Variants in DCLK1 observed in about 807,000 individuals in gnomAD.
The protein encoded by DCLK1 is doublecortin like kinase 1.
DCLK1 carries 16 observed loss-of-function variants against 86.2 expected under a neutral mutation model. The ratio of observed to expected loss-of-function variants is 0.19; its 90% CI spans 0.13 to 0.28. The LOEUF (loss-of-function observed/expected upper bound fraction) is 0.28, where lower values mean the gene tolerates loss of function less well. Among genes scored for constraint, DCLK1 ranks in the 10% least tolerant of loss-of-function variants. The pLI is 1.00. For synonymous variants in DCLK1, 369 were observed against 370.5 expected, an observed-to-expected ratio of 1.00 and a Z score of 0.05; for missense variants, 590 against 940.2, an observed-to-expected ratio of 0.63 and a Z score of 4.87.
chr13:35,989,135 C>G (rs1210600502), intron 3 of DCLK1, among the ~76,000 whole-genome samples: 1 of 152,118 alleles, frequency 6.6e-6, no homozygotes, highest in African/African-American at 2.4e-5. Context: ...CAACACCTAC[C>G]GCATGCTCTG....
chr13:35,880,974 G>A (rs981413440), intron 4 of DCLK1, among the ~76,000 whole-genome samples: 2 of 152,108 alleles, frequency 1.3e-5, no homozygotes, highest in Non-Finnish European at 2.9e-5. Flanking sequence ...TTGTTCAGCC[G>A]AAATACAATG....
intron 3 of DCLK1, among the ~76,000 whole-genome samples, chr13:36,077,096 C>T (rs902036687): frequency 1.3e-4 from 20 of 152,038 alleles, no homozygotes; most frequent in African/African-American, 4.8e-4. Flanking sequence ...CTATCAATAC[C>T]TCCCCAAGCA....
intron 7 of DCLK1, among the ~76,000 whole-genome samples, chr13:35,838,676 A>G (rs1320731090): frequency 6.6e-6 from 1 of 152,216 alleles, no homozygotes; most frequent in Non-Finnish European, 1.5e-5. Context: ...GAGTTCACTT[A>G]ATTTAGAGTA....
intron 15 of DCLK1, 90 bp from the exon 16 acceptor site, chr13:35,793,569 T>C (rs1199821602): frequency 2.0e-6 from 2 of 980,008 alleles, no homozygotes; most frequent in African/African-American, 1.6e-5. Context: ...CAGGCAGTGA[T>C]CTTAGAATTC....
At chr13:36,086,022 C>A (rs1054042285) in intron 3 of DCLK1, among the ~76,000 whole-genome samples, 4 of 152,188 alleles carry the variant, frequency 2.6e-5, no homozygotes, top group Non-Finnish European at 5.9e-5. Context: ...TCTTGTGGCA[C>A]TCACCACAGG....
Position 35,774,628 on chromosome 13 carries a change from C to T in DCLK1, c.2130G>A (p.Lys710=), listed in dbSNP as rs2086392563. The T allele has an allele frequency of 6.2e-7, 1 of 1,606,288 alleles. No individual in the cohort carries two copies. The highest frequency in any genetic ancestry group is 8.5e-7 in the Non-Finnish European group (1 of 1,176,252). ...RRNQDVRSRY[K]AQPAPPELNS... ...TGAGTTCGGGAGGAGCTGGCTGCGCCTTGTACCGGCTCCTCACATCCTGGT... is the reference window on the plus strand; with the variant it reads ...TGAGTTCGGGAGGAGCTGGCTGCGCTTTGTACCGGCTCCTCACATCCTGGT... Residue 710 remains lysine (K), a synonymous_variant, in exon 17 of 17, where the codon AAG becomes AAA. Transcript: ENST00000360631.
chr13:35,819,291 T>C (rs2087340171), intron 11 of DCLK1, among the ~76,000 whole-genome samples: 1 of 152,196 alleles, frequency 6.6e-6, no homozygotes, highest in South Asian at 2.1e-4. Context: ...AGTCAAATCA[T>C]ATTTTCTCAT....
At chr13:35,835,243 C>T (rs1308203231) in intron 8 of DCLK1, among the ~76,000 whole-genome samples, 1 of 152,126 alleles carries the variant, frequency 6.6e-6, no homozygotes, top group Non-Finnish European at 1.5e-5. Context: ...GTGTACCCCC[C>T]AGTCCAGCCC....
intron 3 of DCLK1, among the ~76,000 whole-genome samples, chr13:36,015,867 AATTT>A (rs1881519618): frequency 2.0e-5 from 3 of 152,206 alleles, no homozygotes; most frequent in African/African-American, 7.2e-5. Context: ...GAAAAACATC[AATTT>A]GTTAGAAGAC....
At chr13:36,061,192 T>C (rs1341578705) in intron 3 of DCLK1, among the ~76,000 whole-genome samples, 3 of 152,100 alleles carry the variant, frequency 2.0e-5, no homozygotes, top group Admixed American at 2.0e-4. Context: ...AAACAGTGCA[T>C]TTGGAGCAAC....
intron 3 of DCLK1, among the ~76,000 whole-genome samples, chr13:35,998,440 C>T (rs1043332685): frequency 2.0e-5 from 3 of 152,102 alleles, no homozygotes; most frequent in Non-Finnish European, 4.4e-5. Context: ...CACAGCCATA[C>T]GAATAGCTCT....
chr13:35,817,010 T>A (rs2087283867), intron 11 of DCLK1, among the ~76,000 whole-genome samples: 1 of 152,172 alleles, frequency 6.6e-6, no homozygotes, highest in Non-Finnish European at 1.5e-5. Context: ...CACCAACACA[T>A]ATGAGATAAC....
At chr13:35,987,122 G>A (rs971342651) in intron 3 of DCLK1, among the ~76,000 whole-genome samples, 1 of 152,172 alleles carries the variant, frequency 6.6e-6, no homozygotes, top group African/African-American at 2.4e-5. Flanking sequence ...GACTGGCTGA[G>A]AATTAAGTAT....
chr13:35,911,304 AAAAG>A, intron 4 of DCLK1, among the ~76,000 whole-genome samples: 1 of 152,090 alleles, frequency 6.6e-6, no homozygotes, highest in South Asian at 2.1e-4. Flanking sequence ...AAAAAAAAAA[AAAAG>A]AACTGTTAAA....
At chr13:35,838,906 C>G (rs1869591187) in intron 7 of DCLK1, among the ~76,000 whole-genome samples, 186 bp downstream of exon 7, 1 of 152,106 alleles carries the variant, frequency 6.6e-6, no homozygotes, top group South Asian at 2.1e-4. Context: ...ACTTCCCCTT[C>G]CCATTCTCAC....
At position 35,847,377 on chromosome 13, in the gene DCLK1, A is replaced by G; in HGVS notation, c.1035+7122T>C. 8 of 985,224 alleles carry G rather than the reference A, an allele frequency of 8.1e-6. No individual in the cohort carries two copies. The African/African-American group carries it at 1.0e-4, about 13-fold the overall frequency. The allele number at this position is 985,224 out of a possible 1,614,324, so 61.0% of individuals were successfully genotyped here. A position where few individuals can be genotyped will look rare whatever the true frequency, so the allele number is the denominator to read the frequency against. ...CAGTAACTTATAAGGCTGTATCACAAATACTATACTTTACTGTTGATGGTT... is the reference window on the plus strand; with the variant it reads ...CAGTAACTTATAAGGCTGTATCACAGATACTATACTTTACTGTTGATGGTT... On this transcript the variant is annotated intron_variant, in intron 6 of 16. Transcript: ENST00000360631.
chr13:36,045,330 GTGTATATATATATA>G (rs1220256988), intron 3 of DCLK1, among the ~76,000 whole-genome samples: 1,945 of 56,548 alleles, frequency 0.034, 30 homozygotes, highest in Middle Eastern at 0.12. Context: ...GTGTGTGTGT[GTGTATATATATATA>G]TATATATATA....
chr13:35,806,723 G>T (rs146968713), intron 14 of DCLK1, among the ~76,000 whole-genome samples: 1 of 152,210 alleles, frequency 6.6e-6, no homozygotes, highest in African/African-American at 2.4e-5. Context: ...TGCTATGGAG[G>T]TGTAGGAGAT....
rs2086744434 is a variant in DCLK1, at chr13:35,793,455, G to A, written c.1969C>T (p.His657Tyr). The change falls in exon 16 of 17, where the codon CAT (histidine) becomes TAT (tyrosine). Residue 657 changes from histidine (H) to tyrosine (Y), a missense_variant. This residue lies in a region of DCLK1 where 146 missense variants were observed against 190.2 expected (regional missense o/e 0.77). Coordinates refer to ENST00000360631, the MANE Select transcript of DCLK1 (RefSeq NM_001330071.2). ...ATCTTTCCAGCTACTGACAGCTGAT[G>A]TTCATTTTCTGGGAGGCCATCATCC... Reference protein sequence around the residue: ...VNDDGLPENEHQLSVAGKIKK... With the variant: ...VNDDGLPENEYQLSVAGKIKK... The A allele has an allele frequency of 6.2e-7, 1 of 1,606,346 alleles. No homozygotes were observed.
Sources: gnomAD v4.1 joint callset for allele counts (sites outside exome capture counted in the v4.1 genomes callset) on GRCh38, gnomAD v4.1.1 for gene constraint, gnomAD v4.1.1 regional missense constraint, MANE v1.5 for transcripts, NCBI Gene and HGNC (gene_info 2026-07-23, HGNC 2026-07-21) for gene names.